ZNF264: variants seen among roughly 807,000 people sequenced by gnomAD.
The protein encoded by ZNF264 is zinc finger protein 264.
ZNF264 carries 11 observed loss-of-function variants against 11.2 expected under a neutral mutation model. The observed-to-expected ratio is 0.98, with a 90% CI of 0.62 to 1.63. The LOEUF (loss-of-function observed/expected upper bound fraction) is 1.63. Among genes scored for constraint, ZNF264 ranks in the 40% most tolerant of loss-of-function variants. ZNF264 has a pLI of 0.00. For synonymous variants in ZNF264, 309 were observed against 279.8 expected (o/e 1.10, Z -1.04); for missense variants, 752 against 768.1 (o/e 0.98, Z 0.25).
Position 57,213,183 on chromosome 19 carries a change from G to T in ZNF264, c.*202G>T. The T allele has an allele frequency of 2.1e-6, 1 of 485,252 alleles. No individual in the cohort carries two copies. The highest frequency in any genetic ancestry group is 4.8e-5 in the South Asian group (1 of 21,038). 30.1% of individuals were successfully genotyped at this position (485,252 alleles called of 1,614,324 possible). A position where few individuals can be genotyped will look rare whatever the true frequency, so the allele number is the denominator to read the frequency against. On this transcript the variant is annotated 3_prime_UTR_variant, in exon 4 of 4. Transcript: ENST00000263095. ...TCTCAGGAATTATTTTTAAAAGGAG[G>T]AGGGGACATAGAAAAAATGAAATGC...
At chr19:57,194,675 C>G (rs903601171) in intron 2 of ZNF264, 1 of 393,642 alleles carries the variant, frequency 2.5e-6, no homozygotes, top group African/African-American at 2.1e-5. Context: ...ATATGCTGGC[C>G]TCGCTGGCAG....
Position 57,212,511 on chromosome 19 carries a change from C to G in ZNF264, c.1414C>G (p.Arg472Gly). Residue 472 changes from arginine (R) to glycine (G), a missense_variant, in exon 4 of 4, where the codon CGC becomes GGC. Physicochemically the swap from Arg to Gly is moderately radical, Grantham distance 125. Coordinates refer to ENST00000263095, the MANE Select transcript of ZNF264 (RefSeq NM_003417.5). ...KAFSNRKDLIRHFSIHTGEKP... is the reference protein window; with the variant it reads ...KAFSNRKDLIGHFSIHTGEKP... ...CTTTAGCAATCGGAAGGACCTCATT[C>G]GCCACTTCAGCATCCACACTGGAGA... is the stretch of plus-strand genomic sequence containing the variant. 5 of 1,613,812 alleles carry G rather than the reference C, an allele frequency of 3.1e-6. No individual in the cohort carries two copies. The highest frequency in any genetic ancestry group is 4.2e-6 in the Non-Finnish European group (5 of 1,179,970).
Position 57,211,603 on chromosome 19 carries a change from C to A in ZNF264, c.506C>A (p.Ser169Ter). Reference protein sequence around the residue: ...DGLGTADGVCSRIGQEQVSPG... With the variant: ...DGLGTADGVC Reference sequence around the variant, plus strand: ...TTAGGGACAGCTGATGGTGTGTGTTCAAGGATTGGACAGGAGCAAGTCTCT... The same window carrying A: ...TTAGGGACAGCTGATGGTGTGTGTTAAAGGATTGGACAGGAGCAAGTCTCT... Residue 169 changes from serine to a stop codon, truncating the protein, a stop_gained, in exon 4 of 4, where the codon TCA (serine) becomes TAA (stop). Transcript: ENST00000263095. LOFTEE classifies it low-confidence loss of function (END_TRUNC). The A allele has an allele frequency of 1.2e-6, 2 of 1,613,946 alleles. No individual in the cohort carries two copies. The highest frequency in any genetic ancestry group is 8.5e-7 in the Non-Finnish European group (1 of 1,179,934).
intron 3 of ZNF264, among the ~76,000 whole-genome samples, chr19:57,207,842 T>G (rs1413568108): frequency 6.6e-6 from 1 of 152,130 alleles, no homozygotes; most frequent in Non-Finnish European, 1.5e-5. Context: ...TTCTCCTGCC[T>G]CAGCCTCCCG....
chr19:57,217,023 C>A lies in ZNF264; in HGVS notation c.*4042C>A, dbSNP rs909878448. 1 of 152,100 alleles carries A rather than the reference C, an allele frequency of 6.6e-6. No homozygotes were observed. Among genetic ancestry groups the A allele is most frequent in the Admixed American group, 6.6e-5 (1 of 15,266 alleles). 9.4% of individuals were successfully genotyped at this position (152,100 alleles called of 1,614,324 possible). A position where few individuals can be genotyped will look rare whatever the true frequency, so the allele number is the denominator to read the frequency against. ...CACCTACCCTGCTGAACATCATAGC[C>A]GATCTTGCCTTCAGAATGCTCAGAA... On this transcript the variant is annotated 3_prime_UTR_variant, in exon 4 of 4. Transcript: ENST00000263095.
chr19:57,197,612 C>G (rs1401463088), intron 2 of ZNF264, among the ~76,000 whole-genome samples: 4 of 151,944 alleles, frequency 2.6e-5, no homozygotes, highest in Admixed American at 1.3e-4. Context: ...TTCTCCTGTT[C>G]TGGATCCCAC....
intron 2 of ZNF264, among the ~76,000 whole-genome samples, chr19:57,196,347 G>C (rs1211893594): frequency 6.6e-6 from 1 of 152,018 alleles, no homozygotes; most frequent in Non-Finnish European, 1.5e-5. Flanking sequence ...CCCATATCCA[G>C]AGTAAGTGTC....
chr19:57,220,600 T>G lies in ZNF264; in HGVS notation c.*7619T>G, dbSNP rs1335546279. The stretch of plus-strand genomic sequence containing the variant: ...AGACCCTCCATATATGTGTGTGTTT[T>G]GGTGAATGGCCACACACAGCAAAGT... On this transcript the variant is annotated 3_prime_UTR_variant, in exon 4 of 4. Transcript: ENST00000263095. The G allele has an allele frequency of 6.6e-6, 1 of 152,214 alleles. No individual in the cohort carries two copies. The highest frequency in any genetic ancestry group is 1.5e-5 in the Non-Finnish European group (1 of 68,030). 9.4% of individuals were successfully genotyped at this position (152,214 alleles called of 1,614,324 possible).
intron 2 of ZNF264, 171 bp downstream of exon 2, chr19:57,194,172 C>G (rs2087195755): frequency 4.3e-6 from 4 of 930,126 alleles, no homozygotes; most frequent in Non-Finnish European, 6.1e-6. Flanking sequence ...TCCTATATCT[C>G]TGGGCTAAAG....
At position 57,211,903 on chromosome 19, in the gene ZNF264, A is replaced by G. The variant is rs143071364; in HGVS notation, c.806A>G (p.Asn269Ser). 33 of 1,612,496 alleles carry G rather than the reference A, an allele frequency of 2.0e-5. No homozygotes were observed. The highest frequency in any genetic ancestry group is 1.6e-4 in the Middle Eastern group (1 of 6,076). The stretch of plus-strand genomic sequence containing the variant: ...TGCATGGAGTGTGGAAAGGCCTTCA[A>G]CCGCAAGTCATACCTTACCCAGCAC... Reference protein sequence around the residue: ...YECMECGKAFNRKSYLTQHQR... With the variant: ...YECMECGKAFSRKSYLTQHQR... Residue 269 changes from asparagine (N) to serine (S), a missense_variant, in exon 4 of 4, where the codon AAC becomes AGC. Asn to Ser is a conservative substitution (Grantham distance 46). Coordinates refer to ENST00000263095, the MANE Select transcript of ZNF264 (RefSeq NM_003417.5).
At chr19:57,203,268 A>G (rs914373001) in intron 2 of ZNF264, among the ~76,000 whole-genome samples, 37 of 152,034 alleles carry the variant, frequency 2.4e-4, no homozygotes, top group African/African-American at 8.2e-4. Flanking sequence ...CTGGCTTGGT[A>G]TGTGAGAGTT....
intron 2 of ZNF264, chr19:57,194,812 A>G (rs933498704): frequency 2.2e-5 from 9 of 400,088 alleles, no homozygotes; most frequent in African/African-American, 4.1e-5. Flanking sequence ...GCATCCTTCA[A>G]TCCAATCAAG....
chr19:57,210,656 T>C (rs1488643732), intron 3 of ZNF264, among the ~76,000 whole-genome samples: 1 of 152,204 alleles, frequency 6.6e-6, no homozygotes, highest in Admixed American at 6.5e-5. Flanking sequence ...TCTCATCACC[T>C]GTGTGGCTCG....
intron 1 of ZNF264, chr19:57,192,289 C>G: frequency 1.1e-5 from 11 of 968,398 alleles, no homozygotes; most frequent in Non-Finnish European, 1.2e-5. Context: ...AATGCGCGAG[C>G]AGAGACAAGG....
In ZNF264 at chr19:57,191,770, C is replaced by A; in HGVS notation, c.-144C>A. On this transcript the variant is annotated 5_prime_UTR_variant, in exon 1 of 4. It adds an upstream start codon to the 5' untranslated region. Transcript: ENST00000263095. ...CACCGAGGAGGCGGCGGCCCTGCGT[C>A]TGGAACGCCGTTGCCACCGAGGAGG... is the stretch of plus-strand genomic sequence containing the variant. 1.8e-6 allele frequency: 1 copy of A among 558,670 alleles called. No homozygotes were observed. The highest frequency in any genetic ancestry group is 7.7e-5 in the South Asian group (1 of 12,986). The allele number at this position is 558,670 out of a possible 1,614,324, so 34.6% of individuals were successfully genotyped here. A position where few individuals can be genotyped will look rare whatever the true frequency, so the allele number is the denominator to read the frequency against.
chr19:57,194,094 CT>C (rs2087195282), intron 2 of ZNF264, 93 bp downstream of exon 2: 6 of 1,490,684 alleles, frequency 4.0e-6, no homozygotes, highest in South Asian at 1.3e-5. Context: ...AAGAAGGCCT[CT>C]AGAATCTACC....
At chr19:57,200,517 G>GTCTTTT (rs1298145791) in intron 2 of ZNF264, among the ~76,000 whole-genome samples, 1 of 146,686 alleles carries the variant, frequency 6.8e-6, no homozygotes, top group African/African-American at 2.6e-5. Context: ...TTTGGGTCTT[G>GTCTTTT]TCTTTTTCTT....
At position 57,221,376 on chromosome 19, in the gene ZNF264, A is replaced by G. The variant is rs947189621; in HGVS notation, c.*8395A>G. The G allele has an allele frequency of 1.3e-5, 2 of 152,198 alleles. No individual in the cohort carries two copies. Among genetic ancestry groups the G allele is most frequent in the African/African-American group, 4.8e-5 (2 of 41,440 alleles). 9.4% of individuals were successfully genotyped at this position (152,198 alleles called of 1,614,324 possible). ...CCTGGGCTTTTTTGGACAGATGTAC[A>G]TGATTTTAGAAATTGTTATGAATGA... On this transcript the variant is annotated 3_prime_UTR_variant, in exon 4 of 4. Coordinates refer to ENST00000263095, the MANE Select transcript of ZNF264 (RefSeq NM_003417.5).
chr19:57,201,250 G>A (rs1275661051), intron 2 of ZNF264, among the ~76,000 whole-genome samples: 2 of 151,510 alleles, frequency 1.3e-5, no homozygotes, highest in African/African-American at 2.4e-5. Context: ...TTCTCTCTTT[G>A]TGTTTTAGGC....
Sources: gnomAD v4.1 joint callset for allele counts (sites outside exome capture counted in the v4.1 genomes callset) on GRCh38, gnomAD v4.1.1 for gene constraint, MANE v1.5 for transcripts, NCBI Gene and HGNC (gene_info 2026-07-23, HGNC 2026-07-21) for gene names.